Variants in RAET1E observed in about 807,000 individuals in gnomAD.
RAET1E encodes NKG2D ligand 4.
Under a neutral mutation model 21.1 loss-of-function variants are expected in RAET1E, and 27 were observed. The ratio of observed to expected loss-of-function variants is 1.28; its 90% CI spans 0.94 to 1.76. The LOEUF is 1.76. Among genes scored for constraint, RAET1E ranks in the 40% most tolerant of loss-of-function variants. The pLI is 0.00. For synonymous variants in RAET1E, 113 were observed against 115.0 expected (o/e 0.98, Z 0.11); for missense variants, 310 against 311.3 (o/e 1.00, Z 0.03).
chr6:149,888,116 T>C lies in RAET1E; in HGVS notation c.*382A>G. On this transcript the variant is annotated 3_prime_UTR_variant, in exon 6 of 6. Transcript: ENST00000357183. ...ATTTCTTATACCACATCTTGTATGT[T>C]ATCTGGGAGTAAATGCTGCAGCCAC... 1 of 492,942 alleles carries C rather than the reference T, an allele frequency of 2.0e-6. No homozygotes were observed. The highest frequency in any genetic ancestry group is 4.0e-6 in the Non-Finnish European group (1 of 250,886). The allele number at this position is 492,942 out of a possible 1,614,324, so 30.5% of individuals were successfully genotyped here. A position where few individuals can be genotyped will look rare whatever the true frequency, so the allele number is the denominator to read the frequency against.
At chr6:149,889,265 C>A in intron 5 of RAET1E, 83 bp downstream of exon 5, 2 of 1,546,148 alleles carry the variant, frequency 1.3e-6, no homozygotes, top group African/African-American at 1.4e-5. Flanking sequence ...AATTTTCTAT[C>A]GCACACACAC....
intron 2 of RAET1E, among the ~76,000 whole-genome samples, chr6:149,892,829 A>G (rs1777963271): frequency 1.3e-5 from 2 of 152,114 alleles, no homozygotes; most frequent in African/African-American, 4.8e-5. Context: ...TAGGATTTTT[A>G]TGGTCCTATG....
intron 2 of RAET1E, among the ~76,000 whole-genome samples, chr6:149,895,151 C>A (rs960330072): frequency 6.6e-6 from 1 of 152,232 alleles, no homozygotes; most frequent in African/African-American, 2.4e-5. Context: ...AGTGGGGCAC[C>A]TGCCAGATGC....
Position 149,888,364 on chromosome 6 carries a change from T to C in RAET1E, c.*134A>G. 1 of 1,084,826 alleles carries C rather than the reference T, an allele frequency of 9.2e-7. No individual in the cohort carries two copies. Among genetic ancestry groups the C allele is most frequent in the East Asian group, 2.5e-5 (1 of 40,032 alleles). The allele number at this position is 1,084,826 out of a possible 1,614,324, so 67.2% of individuals were successfully genotyped here. On this transcript the variant is annotated 3_prime_UTR_variant, in exon 6 of 6. Coordinates refer to ENST00000357183, the MANE Select transcript of RAET1E (RefSeq NM_001394057.1). The stretch of plus-strand genomic sequence containing the variant: ...GCTTCATCCCTCCTCTCACTGCACA[T>C]TGTGCTGCCAGCCCTGCTGTGTAGT...
In RAET1E at chr6:149,886,836, T is replaced by G. The variant is rs1027809002; in HGVS notation, c.*1662A>C. On this transcript the variant is annotated 3_prime_UTR_variant, in exon 6 of 6. Transcript: ENST00000357183. ...TCTTCTGTCACTTCAGCAGAAACAA[T>G]GCCCAGAAATGCCAGAGACAACAAA... is the stretch of plus-strand genomic sequence containing the variant. Among the ~76,000 whole-genome samples the G allele has an allele frequency of 2.0e-5, 3 of 152,188 alleles. No homozygotes were observed. Among genetic ancestry groups the G allele is most frequent in the African/African-American group, 7.2e-5 (3 of 41,446 alleles).
Position 149,889,110 on chromosome 6 carries a change from T to C in RAET1E, c.622+238A>G, listed in dbSNP as rs539989606. 619 of 1,424,562 alleles carry C rather than the reference T, an allele frequency of 4.3e-4. 1 individual carries two copies. The Middle Eastern group carries it at 9.3e-3, about 22-fold the overall frequency. The allele number at this position is 1,424,562 out of a possible 1,614,324, so 88.2% of individuals were successfully genotyped here. A position where few individuals can be genotyped will look rare whatever the true frequency, so the allele number is the denominator to read the frequency against. On this transcript the variant is annotated intron_variant, in intron 5 of 5. Transcript: ENST00000357183. ...CTTGGGACCATTTAGCAGTGGGTCA[T>C]TGTGACTGGATCATTGGTTAATGGG...
Position 149,889,572 on chromosome 6 carries a change from C to T in RAET1E, c.398G>A (p.Cys133Tyr), listed in dbSNP as rs1200662741. 2 of 1,614,084 alleles carry T rather than the reference C, an allele frequency of 1.2e-6. No individual in the cohort carries two copies. Among genetic ancestry groups the T allele is most frequent in the African/African-American group, 2.7e-5 (2 of 74,920 alleles). ...GGCGAACTGCCAGGATGCACCAGTGCACCGTTCTGCTTCACGTTGACAAAA... is the reference window on the plus strand; with the variant it reads ...GGCGAACTGCCAGGATGCACCAGTGTACCGTTCTGCTTCACGTTGACAAAA... ...EMFCQREAER[C>Y]TGASWQFATN... The change falls in exon 5 of 6, where the codon TGC (cysteine) becomes TAC (tyrosine). Residue 133 changes from cysteine (C) to tyrosine (Y), a missense_variant. Coordinates refer to ENST00000357183, the MANE Select transcript of RAET1E (RefSeq NM_001394057.1).
Position 149,887,696 on chromosome 6 carries a change from A to G in RAET1E, c.*802T>C, listed in dbSNP as rs1378584497. Among the ~76,000 whole-genome samples the G allele has an allele frequency of 6.6e-6, 1 of 152,150 alleles. No homozygotes were observed. The highest frequency in any genetic ancestry group is 1.5e-5 in the Non-Finnish European group (1 of 68,036). ...TCCTAACTTTGAACTCCACAGAGAG[A>G]GCCCCAGGAACTGTGACTTGAACCC... is the stretch of plus-strand genomic sequence containing the variant. On this transcript the variant is annotated 3_prime_UTR_variant, in exon 6 of 6. Coordinates refer to ENST00000357183, the MANE Select transcript of RAET1E (RefSeq NM_001394057.1).
In RAET1E at chr6:149,884,611, A is replaced by C; in HGVS notation, c.*3887T>G. 4 of 931,000 alleles carry C rather than the reference A, an allele frequency of 4.3e-6. No homozygotes were observed. The highest frequency in any genetic ancestry group is 6.7e-6 in the Non-Finnish European group (4 of 600,736). The allele number at this position is 931,000 out of a possible 1,614,324, so 57.7% of individuals were successfully genotyped here. The stretch of plus-strand genomic sequence containing the variant: ...GATCCCACCTCTCTCTCAGGGAGAG[A>C]TCAGCCGCTATTGTTCACATTCTGC... On this transcript the variant is annotated 3_prime_UTR_variant, in exon 6 of 6. Transcript: ENST00000357183.
chr6:149,893,954 G>T (rs1424741005), intron 2 of RAET1E, among the ~76,000 whole-genome samples: 1 of 152,188 alleles, frequency 6.6e-6, no homozygotes, highest in Non-Finnish European at 1.5e-5. Context: ...CATCTATTGA[G>T]ATAATCATGT....
chr6:149,889,767 C>T, intron 4 of RAET1E, 118 bp downstream of exon 4: 6 of 1,480,706 alleles, frequency 4.1e-6, no homozygotes, highest in Non-Finnish European at 5.5e-6. Context: ...GTCCCATGTG[C>T]CTCTATGGTT....
chr6:149,888,327 G>T lies in RAET1E; in HGVS notation c.*171C>A. 1.2e-6 allele frequency: 1 copy of T among 834,938 alleles called. No homozygotes were observed. Among genetic ancestry groups the T allele is most frequent in the Non-Finnish European group, 1.9e-6 (1 of 517,064 alleles). 51.7% of individuals were successfully genotyped at this position (834,938 alleles called of 1,614,324 possible). The stretch of plus-strand genomic sequence containing the variant: ...GATCTTTGACCTTGCCCCTCCTCGA[G>T]AGGAGATGATTGCTTCATCCCTCCT... On this transcript the variant is annotated 3_prime_UTR_variant, in exon 6 of 6. Transcript: ENST00000357183.
chr6:149,887,299 G>C lies in RAET1E; in HGVS notation c.*1199C>G, dbSNP rs1436468878. The stretch of plus-strand genomic sequence containing the variant: ...CTGAAGTCCCAGCCTGCTTGGTTGG[G>C]GCAGTTAAGTCCTTCTCAGTCACCT... On this transcript the variant is annotated 3_prime_UTR_variant, in exon 6 of 6. Transcript: ENST00000357183. Among the ~76,000 whole-genome samples the C allele has an allele frequency of 2.6e-5, 4 of 152,124 alleles. No homozygotes were observed. Among genetic ancestry groups the C allele is most frequent in the African/African-American group, 9.7e-5 (4 of 41,414 alleles).
At position 149,886,606 on chromosome 6, in the gene RAET1E, G is replaced by T. The variant is rs956684523; in HGVS notation, c.*1892C>A. Reference sequence around the variant, plus strand: ...GACAGGGTTTCGCCATGTTGGCCAGGCTGGTCTCGAACTCCTGACCTCAAA... The same window carrying T: ...GACAGGGTTTCGCCATGTTGGCCAGTCTGGTCTCGAACTCCTGACCTCAAA... On this transcript the variant is annotated 3_prime_UTR_variant, in exon 6 of 6. Coordinates refer to ENST00000357183, the MANE Select transcript of RAET1E (RefSeq NM_001394057.1). 4.6e-5 allele frequency among the ~76,000 whole-genome samples: 7 copies of T among 152,188 alleles called. No homozygotes were observed. Among genetic ancestry groups the T allele is most frequent in the African/African-American group, 1.7e-4 (7 of 41,436 alleles).
rs574294331 is a variant in RAET1E, at chr6:149,887,646, A to G, written c.*852T>C. Among the ~76,000 whole-genome samples, 2 of 152,336 alleles carry G rather than the reference A, an allele frequency of 1.3e-5. No individual in the cohort carries two copies. Among genetic ancestry groups the G allele is most frequent in the South Asian group, 4.1e-4 (2 of 4,828 alleles). ...TGATCCTCAGTGAGTCAGATGGAGT[A>G]GCCTATTTTTCTCATTAGAGGGAAT... On this transcript the variant is annotated 3_prime_UTR_variant, in exon 6 of 6. Coordinates refer to ENST00000357183, the MANE Select transcript of RAET1E (RefSeq NM_001394057.1).
chr6:149,884,146 G>C lies in RAET1E; in HGVS notation c.*4352C>G, dbSNP rs1051099324. 3.8e-6 allele frequency: 1 copy of C among 264,468 alleles called. No homozygotes were observed. The highest frequency in any genetic ancestry group is 2.2e-5 in the African/African-American group (1 of 45,922). The allele number at this position is 264,468 out of a possible 1,614,324, so 16.4% of individuals were successfully genotyped here. On this transcript the variant is annotated 3_prime_UTR_variant, in exon 6 of 6. Transcript: ENST00000357183. Reference sequence around the variant, plus strand: ...GGGGGTGTTAGAACCAGGTGGGCTGGTGGTAGGATCATAGGTCCACAATCT... The same window carrying C: ...GGGGGTGTTAGAACCAGGTGGGCTGCTGGTAGGATCATAGGTCCACAATCT...
At chr6:149,891,776 C>T (rs1204163650) in intron 2 of RAET1E, among the ~76,000 whole-genome samples, 2 of 152,014 alleles carry the variant, frequency 1.3e-5, no homozygotes, top group Admixed American at 6.6e-5. Context: ...ATGTGCAGAA[C>T]GTGTAGTTTT....
rs2342772 is a variant in RAET1E, at chr6:149,898,053, C to T, written c.-353G>A. The stretch of plus-strand genomic sequence containing the variant: ...CAGCAGGAGATGTTTGTCCTTCTGC[C>T]GTCTCTAGGATGGAGAGGCCTGAGG... On this transcript the variant is annotated 5_prime_UTR_variant, in exon 1 of 6. Transcript: ENST00000357183. 0.031 allele frequency: 4,693 copies of T among 152,452 alleles called. 244 individuals are homozygous for T. Among genetic ancestry groups the T allele is most frequent in the African/African-American group, 0.11 (4,497 of 41,454 alleles). The allele number at this position is 152,452 out of a possible 1,614,324, so 9.4% of individuals were successfully genotyped here. A position where few individuals can be genotyped will look rare whatever the true frequency, so the allele number is the denominator to read the frequency against.
In RAET1E at chr6:149,888,411, A is replaced by C; in HGVS notation, c.*87T>G. 2.7e-6 allele frequency: 4 copies of C among 1,466,098 alleles called. No individual in the cohort carries two copies. Among genetic ancestry groups the C allele is most frequent in the Non-Finnish European group, 3.8e-6 (4 of 1,065,064 alleles). 90.8% of individuals were successfully genotyped at this position (1,466,098 alleles called of 1,614,324 possible). A position where few individuals can be genotyped will look rare whatever the true frequency, so the allele number is the denominator to read the frequency against. ...TAGTGTGGGGGCTCAAGACTAAGGC[A>C]GTGCACCATTTCTGTGGAGAGAGAT... On this transcript the variant is annotated 3_prime_UTR_variant, in exon 6 of 6. Coordinates refer to ENST00000357183, the MANE Select transcript of RAET1E (RefSeq NM_001394057.1).
Sources: allele counts gnomAD v4.1 joint callset (sites outside exome capture counted in the v4.1 genomes callset), GRCh38; gene constraint gnomAD v4.1.1; transcripts MANE v1.5; gene names NCBI Gene and HGNC (gene_info 2026-07-23, HGNC 2026-07-21).